Variants in LRRC7 observed in about 807,000 individuals in gnomAD.
The protein encoded by LRRC7 is leucine rich repeat containing 7, also known as leucine-rich repeat-containing protein 7.
Under a neutral mutation model 175.7 loss-of-function variants are expected in LRRC7, and 23 were observed. The ratio of observed to expected loss-of-function variants is 0.13; its 90% CI spans 0.09 to 0.19. The LOEUF (loss-of-function observed/expected upper bound fraction) is 0.19. Ranked by LOEUF, LRRC7 falls within the 10% of genes least tolerant of loss-of-function variation. The pLI, the probability that LRRC7 is intolerant of heterozygous loss-of-function variation, is 1.00. For missense variants in LRRC7, 1,354 were observed against 1,904.7 expected (o/e 0.71, Z 5.38); for synonymous variants, 685 against 680.9 (o/e 1.01, Z -0.09).
intron 1 of LRRC7, among the ~76,000 whole-genome samples, chr1:69,671,702 T>C (rs1659098871): frequency 6.6e-6 from 1 of 152,134 alleles, no homozygotes; most frequent in Non-Finnish European, 1.5e-5. Flanking sequence ...AATACTCCTG[T>C]GGCTAGGGCT....
At chr1:70,107,463 A>C (rs1015032873) in intron 25 of LRRC7, among the ~76,000 whole-genome samples, 1 of 152,216 alleles carries the variant, frequency 6.6e-6, no homozygotes, top group Non-Finnish European at 1.5e-5. Context: ...ATCACATTTC[A>C]AATGATTTAA....
At chr1:69,647,454 A>G (rs1655164483) in intron 1 of LRRC7, among the ~76,000 whole-genome samples, 1 of 152,216 alleles carries the variant, frequency 6.6e-6, no homozygotes, top group African/African-American at 2.4e-5. Flanking sequence ...TTTCAGTTCT[A>G]GCAACCATCT....
chr1:69,786,641 A>T (rs746227217), intron 3 of LRRC7, among the ~76,000 whole-genome samples: 17 of 152,186 alleles, frequency 1.1e-4, no homozygotes, highest in Non-Finnish European at 2.1e-4. Flanking sequence ...GCTGGCAGAC[A>T]AGAGAAGAGC....
chr1:70,144,240 G>A lies in LRRC7; in HGVS notation c.*22353G>A, dbSNP rs1420229766. On this transcript the variant is annotated 3_prime_UTR_variant, in exon 27 of 27. Transcript: ENST00000651989. ...AATACAGGGACTAAAATAATGCTGT[G>A]CAGTGTATAGCAGAGCCATTTTTCG... 6.6e-6 allele frequency: 1 copy of A among 152,138 alleles called. No individual in the cohort carries two copies. The highest frequency in any genetic ancestry group is 1.5e-5 in the Non-Finnish European group (1 of 68,022). The allele number at this position is 152,138 out of a possible 1,614,324, so 9.4% of individuals were successfully genotyped here.
intron 15 of LRRC7, 136 bp from the exon 16 acceptor site, chr1:70,020,869 C>T (rs897647910): frequency 1.6e-6 from 1 of 612,392 alleles, no homozygotes; most frequent in Non-Finnish European, 2.4e-6. Flanking sequence ...CCTTCTTTCT[C>T]TTTCTTTTTT....
In LRRC7 at chr1:69,912,223, AAT is replaced by A. The variant is rs566643515; in HGVS notation, c.648-19280_648-19279del. On this transcript the variant is annotated intron_variant, in intron 7 of 26. Coordinates refer to ENST00000651989, the MANE Select transcript of LRRC7 (RefSeq NM_001370785.2). ...TAACAAGTAATAACTTTTTCAATAA[AAT>A]ATAGCCAGAAAACAATGAGCCTGAC... Among the ~76,000 whole-genome samples the A allele has an allele frequency of 2.4e-3, 370 of 152,272 alleles. 2 individuals carry two copies. The highest frequency in any genetic ancestry group is 4.8e-3 in the Non-Finnish European group (329 of 68,008).
chr1:70,043,309 A>G (rs1039039846), intron 21 of LRRC7, among the ~76,000 whole-genome samples: 1 of 152,168 alleles, frequency 6.6e-6, no homozygotes, highest in Non-Finnish European at 1.5e-5. Flanking sequence ...ATTTTTAAGA[A>G]ACAAAAAATA....
intron 2 of LRRC7, among the ~76,000 whole-genome samples, chr1:69,696,520 T>C (rs749461295): frequency 4.6e-5 from 7 of 152,122 alleles, no homozygotes; most frequent in Non-Finnish European, 7.4e-5. Flanking sequence ...GAAGTGATGA[T>C]TGTATTTTGC....
At chr1:70,060,328 C>G (rs1407340272) in intron 23 of LRRC7, among the ~76,000 whole-genome samples, 1 of 143,518 alleles carries the variant, frequency 7.0e-6, no homozygotes, top group East Asian at 1.9e-4. Flanking sequence ...CCAACCCCAC[C>G]CCCCCAAAAA....
At chr1:69,767,499 C>T (rs1036265994) in intron 3 of LRRC7, among the ~76,000 whole-genome samples, 9 of 152,110 alleles carry the variant, frequency 5.9e-5, no homozygotes, top group Admixed American at 4.6e-4. Context: ...CTCTGTCGCA[C>T]AGTCTGGCAT....
rs1173886511 is a variant in LRRC7, at chr1:70,075,703, A to T, written c.4231-374A>T. ...TTTCCCCATGGTGTTACATATATTA[A>T]CATCTCTCTGTAACTCTCTGGTATA... is the stretch of plus-strand genomic sequence containing the variant. On this transcript the variant is annotated intron_variant, in intron 23 of 26. Coordinates refer to ENST00000651989, the MANE Select transcript of LRRC7 (RefSeq NM_001370785.2). Among the ~76,000 whole-genome samples the T allele has an allele frequency of 3.3e-5, 5 of 152,310 alleles. No homozygotes were observed. In the East Asian group the frequency reaches 9.6e-4, roughly 29 times the overall value.
At chr1:69,753,455 GC>G (rs1298053861) in intron 2 of LRRC7, among the ~76,000 whole-genome samples, 2 of 151,884 alleles carry the variant, frequency 1.3e-5, no homozygotes, top group African/African-American at 4.8e-5. Context: ...TGAGATCCAA[GC>G]CTAGGTCTAC....
At chr1:69,627,286 T>C (rs1253719112) in intron 1 of LRRC7, among the ~76,000 whole-genome samples, 1 of 152,210 alleles carries the variant, frequency 6.6e-6, no homozygotes, top group Non-Finnish European at 1.5e-5. Context: ...TGAGATGATA[T>C]CTCATTGTGG....
At chr1:70,041,018 T>C (rs918123642) in intron 21 of LRRC7, among the ~76,000 whole-genome samples, 1 of 152,180 alleles carries the variant, frequency 6.6e-6, no homozygotes, top group Non-Finnish European at 1.5e-5. Flanking sequence ...GTAGAGGGCT[T>C]AATGTGCTCT....
chr1:70,095,288 A>C (rs1190801134), intron 25 of LRRC7, among the ~76,000 whole-genome samples: 8 of 152,200 alleles, frequency 5.3e-5, no homozygotes, highest in Admixed American at 5.2e-4. Context: ...ATTTTTAAAA[A>C]TAAATTTCAA....
rs1425182938 is a variant in LRRC7, at chr1:70,107,835, G to T, written c.4620+9G>T. On this transcript the variant is annotated intron_variant, in intron 26 of 26. Coordinates refer to ENST00000651989, the MANE Select transcript of LRRC7 (RefSeq NM_001370785.2). ...GTGATAAGATCCTTCAGGTAAGACA[G>T]ATAAAAGAAATGCATGCAAATGCCA... 1.9e-6 allele frequency: 3 copies of T among 1,606,392 alleles called. No homozygotes were observed. Among genetic ancestry groups the T allele is most frequent in the Admixed American group, 3.3e-5 (2 of 59,810 alleles).
At chr1:69,740,402 A>G (rs1668584842) in intron 2 of LRRC7, among the ~76,000 whole-genome samples, 1 of 152,010 alleles carries the variant, frequency 6.6e-6, no homozygotes, top group African/African-American at 2.4e-5. Flanking sequence ...TTGGGGCCTC[A>G]ACTTTGTGAC....
intron 8 of LRRC7, among the ~76,000 whole-genome samples, chr1:69,939,009 ATATATCTATATATATATATATC>A (rs1480870241): frequency 8.4e-5 from 8 of 94,692 alleles, no homozygotes; most frequent in African/African-American, 2.6e-4. Flanking sequence ...ATATATATAT[ATATATCTATATATATATATATC>A]TATATATATC....
At chr1:69,938,972 T>C (rs1648340951) in intron 8 of LRRC7, among the ~76,000 whole-genome samples, 1 of 145,306 alleles carries the variant, frequency 6.9e-6, no homozygotes, top group Admixed American at 6.9e-5. Context: ...TTTCTGCATT[T>C]GTAAAGCCAC....
Sources: gnomAD v4.1 joint callset for allele counts (sites outside exome capture counted in the v4.1 genomes callset) on GRCh38, gnomAD v4.1.1 for gene constraint, MANE v1.5 for transcripts, NCBI Gene and HGNC (gene_info 2026-07-23, HGNC 2026-07-21) for gene names.